The following TRIM43B variants were observed in gnomAD, a reference collection of about 807,000 sequenced individuals.
TRIM43B encodes the protein tripartite motif-containing protein 43B.
Under a neutral mutation model 27.0 loss-of-function variants are expected in TRIM43B, and 15 were observed. That is an observed-to-expected ratio of 0.55 (90% CI 0.37 to 0.85). The LOEUF (loss-of-function observed/expected upper bound fraction) is 0.85. Ranked by LOEUF, TRIM43B falls within the 40% of genes least tolerant of loss-of-function variation. The probability of loss-of-function intolerance (pLI) is 0.00; values close to 1 mark genes in which losing one functional copy is unlikely to be tolerated. For synonymous variants in TRIM43B, 69 were observed against 97.8 expected (o/e 0.71, Z 1.74); for missense variants, 172 against 289.8 (o/e 0.59, Z 2.95).
chr2:95,483,412 TACA>T (rs1683573442), intron 1 of TRIM43B, among the ~76,000 whole-genome samples: 1 of 151,584 alleles, frequency 6.6e-6, no homozygotes, highest in Admixed American at 6.6e-5. Context: ...TGGTTAATAT[TACA>T]ACATCTTTAA....
At chr2:95,481,769 T>A (rs1413489498) in intron 2 of TRIM43B, 79 bp from the exon 3 acceptor site, 1 of 1,456,146 alleles carries the variant, frequency 6.9e-7, no homozygotes, top group Non-Finnish European at 9.2e-7. Flanking sequence ...AGGCAAGGGA[T>A]CTAATATATA....
intron 1 of TRIM43B, 115 bp from the exon 2 acceptor site, chr2:95,482,833 G>T: frequency 6.6e-7 from 1 of 1,519,798 alleles, no homozygotes; most frequent in Non-Finnish European, 8.8e-7. Context: ...AGAAGTATAG[G>T]TTTTAATTTG....
intron 1 of TRIM43B, 126 bp from the exon 2 acceptor site, chr2:95,482,844 C>G: frequency 2.7e-6 from 4 of 1,505,056 alleles, no homozygotes; most frequent in Non-Finnish European, 3.5e-6. Context: ...TTTTAATTTG[C>G]AATGACAGAA....
At chr2:95,480,312 A>T in exon 4 of TRIM43B, 1 of 1,607,088 alleles carries the variant, frequency 6.2e-7, no homozygotes, top group Non-Finnish European at 8.5e-7. Context: ...TACCTGGAGC[A>T]GCTCCACCTC....
intron 1 of TRIM43B, among the ~76,000 whole-genome samples, chr2:95,483,414 C>A (rs534532698): frequency 6.6e-6 from 1 of 151,496 alleles, no homozygotes; most frequent in Non-Finnish European, 1.5e-5. Context: ...GTTAATATTA[C>A]AACATCTTTA....
At chr2:95,484,655 G>A (rs1362568330) in exon 1 of TRIM43B, 16 of 152,072 alleles carry the variant, frequency 1.1e-4, no homozygotes, top group African/African-American at 2.4e-4. Context: ...GAATCAGATG[G>A]ATTCAGCTCA....
intron 1 of TRIM43B, among the ~76,000 whole-genome samples, chr2:95,484,039 T>C (rs914872327): frequency 2.8e-5 from 4 of 140,380 alleles, no homozygotes; most frequent in African/African-American, 1.1e-4. Context: ...GTCTAGATCA[T>C]CCTGTCTCTA....
intron 1 of TRIM43B, among the ~76,000 whole-genome samples, chr2:95,483,570 G>A (rs1483276161): frequency 6.6e-6 from 1 of 151,192 alleles, no homozygotes; most frequent in African/African-American, 2.4e-5. Flanking sequence ...TGTAATCCGA[G>A]CACTTTGGGA....
chr2:95,484,084 A>AAG (rs1482606475), intron 1 of TRIM43B, among the ~76,000 whole-genome samples: 4 of 150,184 alleles, frequency 2.7e-5, no homozygotes, highest in Admixed American at 1.3e-4. Context: ...AAAAAAAAAA[A>AAG]AAAAGGCCGG....
At chr2:95,482,270 C>T (rs1256076718) in intron 2 of TRIM43B, 34 bp downstream of exon 2, 2 of 1,602,250 alleles carry the variant, frequency 1.2e-6, no homozygotes, top group Non-Finnish European at 1.7e-6. Flanking sequence ...CTGCCACCCT[C>T]CAGCTTTCAG....
At chr2:95,482,326 T>C in exon 2 of TRIM43B, 1 of 1,611,546 alleles carries the variant, frequency 6.2e-7, no homozygotes, top group Non-Finnish European at 8.5e-7. Context: ...AGCTGCCTCT[T>C]CGATGGGATA....
At position 95,480,580 on chromosome 2, in the gene TRIM43B, C is replaced by G. The variant is rs776424251; in HGVS notation, c.508-45G>C. On this transcript the variant is annotated intron_variant, in intron 3 of 6. Transcript: ENST00000639673. ...GTAGGTTATATACCCAGGCCTACTT[C>G]CACCTCACAGAGCCCACAACTTCAT... 36 of 1,600,788 alleles carry G rather than the reference C, an allele frequency of 2.2e-5. 1 individual carries two copies. The African/African-American group carries it at 4.6e-4, about 20-fold the overall frequency.
chr2:95,482,895 C>T (rs1683561415), intron 1 of TRIM43B, among the ~76,000 whole-genome samples, 177 bp from the exon 2 acceptor site: 1 of 152,094 alleles, frequency 6.6e-6, no homozygotes, highest in South Asian at 2.1e-4. Context: ...AGACATCAAT[C>T]TCTATAAAAA....
In TRIM43B at chr2:95,482,865, T is replaced by C. The variant is rs575820947; in HGVS notation, c.-4-147A>G. 4.7e-4 allele frequency: 685 copies of C among 1,464,960 alleles called. 2 individuals carry two copies. Among genetic ancestry groups the C allele is most frequent in the Admixed American group, 6.4e-4 (24 of 37,212 alleles). The allele number at this position is 1,464,960 out of a possible 1,614,324, so 90.7% of individuals were successfully genotyped here. On this transcript the variant is annotated intron_variant, in intron 1 of 6. Transcript: ENST00000639673. ...TTTGCAATGACAGAAATAGGAAAAA[T>C]AGAAAACTAAGGCACAAAGAGACAT...
At chr2:95,483,813 G>A (rs1683583861) in intron 1 of TRIM43B, among the ~76,000 whole-genome samples, 1 of 151,972 alleles carries the variant, frequency 6.6e-6, no homozygotes, top group Non-Finnish European at 1.5e-5. Flanking sequence ...GGGTAACAGA[G>A]CAAGACTCTG....
chr2:95,483,759 C>A (rs1167805643), intron 1 of TRIM43B, among the ~76,000 whole-genome samples: 1 of 151,838 alleles, frequency 6.6e-6, no homozygotes, highest in African/African-American at 2.4e-5. Flanking sequence ...ACCCGGGAGG[C>A]GGAGCTTGCA....
At position 95,482,496 on chromosome 2, in the gene TRIM43B, TAA is replaced by T; in HGVS notation, c.217_218del (p.Leu73SerfsTer16). 6.2e-7 allele frequency: 1 copy of T among 1,606,762 alleles called. No homozygotes were observed. Among genetic ancestry groups the T allele is most frequent in the Non-Finnish European group, 8.5e-7 (1 of 1,175,510 alleles). On this transcript the variant is annotated frameshift_variant, in exon 2 of 7. Transcript: ENST00000639673. LOFTEE classifies it high-confidence loss of function. ...GACTGGCTTTTCTGGCAATGGTCAC[TAA>T]ATTCTTCAGAAGAATATTGGTTTTG...
At chr2:95,481,260 A>C (rs925636878) in intron 3 of TRIM43B, among the ~76,000 whole-genome samples, 1 of 152,088 alleles carries the variant, frequency 6.6e-6, no homozygotes, top group African/African-American at 2.4e-5. Context: ...TCCCCCGGAC[A>C]ATACCATATT....
At chr2:95,481,802 A>T (rs1683532257) in intron 2 of TRIM43B, 112 bp from the exon 3 acceptor site, 1 of 1,123,198 alleles carries the variant, frequency 8.9e-7, no homozygotes. Context: ...AGAGGAGAAA[A>T]AAACAAAATT....
Sources: allele counts gnomAD v4.1 joint callset (sites outside exome capture counted in the v4.1 genomes callset), GRCh38; gene constraint gnomAD v4.1.1; transcripts MANE v1.5; gene names NCBI Gene and HGNC (gene_info 2026-07-23, HGNC 2026-07-21).